The following TENM2 variants were observed in gnomAD, a reference collection of about 807,000 sequenced individuals.
TENM2 encodes teneurin-2.
A neutral mutation model predicts 245.2 loss-of-function variants in TENM2; 52 were observed. The observed-to-expected ratio is 0.21, with a 90% CI of 0.17 to 0.27. The LOEUF (loss-of-function observed/expected upper bound fraction) is 0.27. Ranked by LOEUF, TENM2 falls within the 10% of genes least tolerant of loss-of-function variation. The pLI, the probability that TENM2 is intolerant of heterozygous loss-of-function variation, is 1.00. For missense variants in TENM2, 3,046 were observed against 3,666.8 expected (o/e 0.83, Z 4.37); for synonymous variants, 1,363 against 1,438.9 (o/e 0.95, Z 1.19).
At chr5:167,043,036 A>G in the TENM2 span, among the ~76,000 whole-genome samples, 1 of 152,198 alleles carries the variant, frequency 6.6e-6, no homozygotes, top group East Asian at 1.9e-4. Context: ...CCTGACTTCT[A>G]ATTTATTGAT....
chr5:168,213,984 A>T (rs1039712367), intron 20 of TENM2, among the ~76,000 whole-genome samples: 1 of 152,226 alleles, frequency 6.6e-6, no homozygotes, highest in African/African-American at 2.4e-5. Flanking sequence ...TCTGGTCCCA[A>T]CCTCAAACCA....
chr5:167,048,588 G>T, the TENM2 span, among the ~76,000 whole-genome samples: 1 of 152,078 alleles, frequency 6.6e-6, no homozygotes, highest in African/African-American at 2.4e-5. Context: ...AAACTTTATG[G>T]ATGTGATAAG....
intron 27 of TENM2, among the ~76,000 whole-genome samples, chr5:168,252,070 G>A (rs1472206730): frequency 6.6e-6 from 1 of 152,178 alleles, no homozygotes; most frequent in Non-Finnish European, 1.5e-5. Context: ...AAAGATATGA[G>A]AAGAAAGAGT....
At chr5:168,246,835 A>C in exon 27 of TENM2, 1 of 1,613,948 alleles carries the variant, frequency 6.2e-7, no homozygotes, top group Non-Finnish European at 8.5e-7. Context: ...TGCCGTCACC[A>C]TGCCCAGCGT....
chr5:167,357,315 T>TTC (rs397733536), intron 1 of TENM2, among the ~76,000 whole-genome samples: 1 of 151,058 alleles, frequency 6.6e-6, no homozygotes, highest in South Asian at 2.1e-4. Flanking sequence ...TTTTTTTTTT[T>TTC]CTTGTTGCCC....
At chr5:167,129,840 G>A in the TENM2 span, among the ~76,000 whole-genome samples, 4 of 152,146 alleles carry the variant, frequency 2.6e-5, no homozygotes, top group Non-Finnish European at 5.9e-5. Context: ...CTCCCAAAGA[G>A]TGGGATTAGG....
At chr5:167,592,338 G>A (rs768231842) in intron 2 of TENM2, among the ~76,000 whole-genome samples, 1 of 152,166 alleles carries the variant, frequency 6.6e-6, no homozygotes, top group African/African-American at 2.4e-5. Context: ...CCTCCTGGAA[G>A]AGAAGCCCCA....
At chr5:167,676,684 A>G (rs1348331893) in intron 2 of TENM2, among the ~76,000 whole-genome samples, 1 of 152,074 alleles carries the variant, frequency 6.6e-6, no homozygotes, top group African/African-American at 2.4e-5. Flanking sequence ...CTTTGGGATG[A>G]TAGTTTTTAT....
intron 2 of TENM2, among the ~76,000 whole-genome samples, chr5:167,659,463 G>A (rs540013670): frequency 6.6e-6 from 1 of 152,244 alleles, no homozygotes; most frequent in African/African-American, 2.4e-5. Flanking sequence ...AAATGTGGTT[G>A]AATACAAGGA....
intron 5 of TENM2, among the ~76,000 whole-genome samples, chr5:168,022,560 T>C (rs541240243): frequency 2.5e-4 from 38 of 152,262 alleles, no homozygotes; most frequent in Non-Finnish European, 1.0e-4. Context: ...ACCACTCGGG[T>C]TAAGTTTTGC....
intron 8 of TENM2, among the ~76,000 whole-genome samples, chr5:168,094,936 C>G (rs1223578008): frequency 6.6e-6 from 1 of 151,896 alleles, no homozygotes; most frequent in Non-Finnish European, 1.5e-5. Context: ...CTATTGTGAA[C>G]TGTGCATGCG....
At chr5:167,458,700 G>C (rs868081460) in intron 2 of TENM2, among the ~76,000 whole-genome samples, 7 of 151,964 alleles carry the variant, frequency 4.6e-5, no homozygotes, top group African/African-American at 1.7e-4. Context: ...CTTATTATTT[G>C]CCAGACAGTT....
At chr5:167,917,535 G>A (rs1777044267) in intron 3 of TENM2, among the ~76,000 whole-genome samples, 1 of 152,098 alleles carries the variant, frequency 6.6e-6, no homozygotes, top group African/African-American at 2.4e-5. Flanking sequence ...TGACAGCCTG[G>A]AGGAGGAGCA....
chr5:167,817,928 G>C (rs1190745883), intron 2 of TENM2, among the ~76,000 whole-genome samples: 1 of 152,124 alleles, frequency 6.6e-6, no homozygotes, highest in African/African-American at 2.4e-5. Flanking sequence ...TGCCAGTTTT[G>C]CATTAGATTG....
chr5:167,610,096 C>T (rs1777371951), intron 2 of TENM2, among the ~76,000 whole-genome samples: 1 of 152,064 alleles, frequency 6.6e-6, no homozygotes, highest in Non-Finnish European at 1.5e-5. Context: ...CTCATGGAAA[C>T]ACTTTAATTA....
At chr5:168,210,357 G>T (rs1451061904) in intron 19 of TENM2, among the ~76,000 whole-genome samples, 1 of 152,106 alleles carries the variant, frequency 6.6e-6, no homozygotes. Context: ...GAAAGAAGTA[G>T]GTCAGGCCTG....
intron 5 of TENM2, among the ~76,000 whole-genome samples, chr5:168,013,248 G>A (rs946929213): frequency 3.9e-5 from 6 of 152,132 alleles, no homozygotes. Context: ...GGAAACGAGG[G>A]TTGGAATTGT....
intron 2 of TENM2, among the ~76,000 whole-genome samples, chr5:167,736,566 A>G (rs905005363): frequency 3.3e-5 from 5 of 152,118 alleles, no homozygotes; most frequent in Non-Finnish European, 2.9e-5. Context: ...AGGTCTCAGT[A>G]AAAGATAATG....
intron 12 of TENM2, among the ~76,000 whole-genome samples, chr5:168,155,074 G>A (rs1202861946): frequency 2.6e-5 from 4 of 152,190 alleles, no homozygotes; most frequent in African/African-American, 9.7e-5. Context: ...GTTTTCCAGA[G>A]ACCAGAGACC....
Sources: allele counts gnomAD v4.1 joint callset (sites outside exome capture counted in the v4.1 genomes callset), GRCh38; gene constraint gnomAD v4.1.1; transcripts MANE v1.5; gene names NCBI Gene and HGNC (gene_info 2026-07-23, HGNC 2026-07-21).